MAPK6: variants seen among roughly 807,000 people sequenced by gnomAD.
MAPK6 encodes the protein mitogen-activated protein kinase 6.
A neutral mutation model predicts 59.3 loss-of-function variants in MAPK6; 19 were observed. That is an observed-to-expected ratio of 0.32 (90% CI 0.22 to 0.47). The LOEUF is 0.47. Ranked by LOEUF, MAPK6 falls within the 20% of genes least tolerant of loss-of-function variation. MAPK6 has a pLI of 1.00. For missense variants in MAPK6, 724 were observed against 847.9 expected (o/e 0.85, Z 1.81); for synonymous variants, 316 against 290.3 (o/e 1.09, Z -0.90).
intron 2 of MAPK6, among the ~76,000 whole-genome samples, chr15:51,985,787 T>A (rs1343579311): frequency 6.6e-6 from 1 of 151,694 alleles, no homozygotes; most frequent in Non-Finnish European, 1.5e-5. Context: ...TGAAACCCCG[T>A]CTTTACTAAA....
At chr15:52,055,133 TGTG>T (rs1265021516) in intron 3 of MAPK6, among the ~76,000 whole-genome samples, 1 of 152,144 alleles carries the variant, frequency 6.6e-6, no homozygotes, top group Non-Finnish European at 1.5e-5. Context: ...ACAAGCCAGG[TGTG>T]GTGGCTAATA....
chr15:51,996,080 C>T (rs2921952), intron 2 of MAPK6, among the ~76,000 whole-genome samples: 2,413 of 152,312 alleles, frequency 0.016, 51 homozygotes, highest in African/African-American at 0.056. Flanking sequence ...AGTTTCTGGT[C>T]ACCAGGCCTT....
intron 1 of MAPK6, among the ~76,000 whole-genome samples, chr15:51,981,592 G>C (rs2057173677): frequency 6.6e-6 from 1 of 152,198 alleles, no homozygotes; most frequent in Admixed American, 6.5e-5. Context: ...TGTCCTTTTG[G>C]AACCTTTTAA....
chr15:52,023,259 G>C (rs2030617547), intron 1 of MAPK6, among the ~76,000 whole-genome samples: 1 of 152,116 alleles, frequency 6.6e-6, no homozygotes, highest in Admixed American at 6.6e-5. Context: ...TGTTACTCTA[G>C]GTCCCCTGTT....
chr15:52,008,527 T>G (rs1183787154), intron 3 of MAPK6, among the ~76,000 whole-genome samples: 1 of 152,208 alleles, frequency 6.6e-6, no homozygotes, highest in Non-Finnish European at 1.5e-5. Flanking sequence ...ACACTATACA[T>G]GAACAGGGTG....
intron 1 of MAPK6, among the ~76,000 whole-genome samples, chr15:52,037,083 G>C (rs955005426): frequency 3.3e-5 from 5 of 152,094 alleles, no homozygotes; most frequent in Admixed American, 3.3e-4. Context: ...GATCACTTGA[G>C]GCCGGGAGTT....
chr15:52,058,289 T>G (rs940307360), intron 3 of MAPK6, among the ~76,000 whole-genome samples: 8 of 152,250 alleles, frequency 5.3e-5, no homozygotes, highest in African/African-American at 1.7e-4. Context: ...CTATTGTCTC[T>G]GAAGTTATAG....
intron 1 of MAPK6, among the ~76,000 whole-genome samples, chr15:52,031,261 T>C (rs1714437824): frequency 6.6e-6 from 1 of 152,172 alleles, no homozygotes; most frequent in African/African-American, 2.4e-5. Context: ...ATAGGAAATA[T>C]ACTCTACTCA....
intron 1 of MAPK6, among the ~76,000 whole-genome samples, chr15:52,022,586 T>C (rs2030576780): frequency 6.6e-6 from 1 of 152,102 alleles, no homozygotes; most frequent in Admixed American, 6.5e-5. Flanking sequence ...TTAATGTGAA[T>C]TAAATTTTTG....
Position 51,977,779 on chromosome 15 carries a change from C to T in MAPK6, c.-879-5427C>T, listed in dbSNP as rs978319633. ...TTCGAACTCCTGGCCTCAAGCGATC[C>T]TCCCACCTTGGCCTCCTAAAGTACT... On this transcript the variant is annotated intron_variant, in intron 1 of 7. Coordinates refer to the MAPK6 transcript ENST00000691380. Among the ~76,000 whole-genome samples the T allele has an allele frequency of 7.2e-5, 11 of 151,744 alleles. 1 individual carries two copies. The highest frequency in any genetic ancestry group is 2.4e-4 in the African/African-American group (10 of 41,392).
rs1206416797 is a variant in MAPK6, at chr15:52,005,247, AGGTGCGGT to A, written c.-632+848_-632+855del. The stretch of plus-strand genomic sequence containing the variant: ...GAATGAATGAAGAGAGATCTGGGCC[AGGTGCGGT>A]GGCTCATGCCTGTAATCCCAGCACT... On this transcript the variant is annotated intron_variant, in intron 3 of 7. Transcript: ENST00000691380. Among the ~76,000 whole-genome samples the A allele has an allele frequency of 3.3e-5, 5 of 152,276 alleles. No homozygotes were observed. In the South Asian group the frequency reaches 1.0e-3, roughly 32 times the overall value.
At chr15:52,040,975 A>G (rs1218113537) in intron 1 of MAPK6, among the ~76,000 whole-genome samples, 1 of 152,196 alleles carries the variant, frequency 6.6e-6, no homozygotes, top group African/African-American at 2.4e-5. Flanking sequence ...CGAACCAGCT[A>G]ATTAAACTTA....
At chr15:51,971,878 GCTCGCCCAGTGAACCTGTT>G in exon 1 of MAPK6, 2 of 941,670 alleles carry the variant, frequency 2.1e-6, no homozygotes, top group Non-Finnish European at 3.4e-6. Context: ...CCTAGTTTTC[GCTCGCCCAGTGAACCTGTT>G]CTCGCCTGGG....
At chr15:51,976,557 G>A (rs1484930906) in intron 1 of MAPK6, among the ~76,000 whole-genome samples, 1 of 151,746 alleles carries the variant, frequency 6.6e-6, no homozygotes, top group Admixed American at 6.6e-5. Flanking sequence ...TTTCTAGAGA[G>A]AAAAATCTGC....
Position 52,054,890 on chromosome 15 carries a change from C to T in MAPK6, c.701-3743C>T, listed in dbSNP as rs144760009. On this transcript the variant is annotated intron_variant, in intron 3 of 5. Transcript: ENST00000261845. ...GCAACCTCCGCCTCCCAGGTTCAAG[C>T]GACTCTCCTGCCTCAGCCTCTCAAG... 1.4e-3 allele frequency among the ~76,000 whole-genome samples: 206 copies of T among 152,190 alleles called. 2 individuals are homozygous for T. Among genetic ancestry groups the T allele is most frequent in the African/African-American group, 4.6e-3 (193 of 41,518 alleles).
intron 1 of MAPK6, among the ~76,000 whole-genome samples, chr15:51,981,196 G>A (rs1011108121): frequency 4.0e-5 from 6 of 151,578 alleles, no homozygotes; most frequent in Admixed American, 6.6e-5. Context: ...CTTATCGGCC[G>A]GGTGCGGTGG....
intron 3 of MAPK6, among the ~76,000 whole-genome samples, chr15:52,051,023 T>C (rs1465446003): frequency 6.6e-6 from 1 of 152,056 alleles, no homozygotes; most frequent in Non-Finnish European, 1.5e-5. Context: ...ATTAAGGCCT[T>C]TTTCTGTCTT....
chr15:52,027,524 T>G, intron 1 of MAPK6: 1 of 151,500 alleles, frequency 6.6e-6, no homozygotes, highest in Non-Finnish European at 1.5e-5. Context: ...CCCGTTACTG[T>G]AATTTCATGC....
intron 1 of MAPK6, among the ~76,000 whole-genome samples, chr15:52,023,127 A>AC (rs1304624317): frequency 1.3e-5 from 2 of 150,322 alleles, no homozygotes; most frequent in African/African-American, 2.4e-5. Flanking sequence ...AAAAAAAAAA[A>AC]ACCGAAAAAC....
Sources: gnomAD v4.1 joint callset for allele counts (sites outside exome capture counted in the v4.1 genomes callset) on GRCh38, gnomAD v4.1.1 for gene constraint, MANE v1.5 for transcripts, NCBI Gene and HGNC (gene_info 2026-07-23, HGNC 2026-07-21) for gene names.